FNTB: variants seen among roughly 807,000 people sequenced by gnomAD.
FNTB encodes farnesyltransferase, CAAX box, subunit beta.
Under a neutral mutation model 59.4 loss-of-function variants are expected in FNTB, and 27 were observed. The ratio of observed to expected loss-of-function variants is 0.45; its 90% CI spans 0.34 to 0.63. The LOEUF is 0.63. Ranked by LOEUF, FNTB falls within the 20% of genes least tolerant of loss-of-function variation. The pLI, the probability that FNTB is intolerant of heterozygous loss-of-function variation, is 0.02. For missense variants in FNTB, 449 were observed against 559.6 expected, an observed-to-expected ratio of 0.80 and a Z score of 1.99; for synonymous variants, 230 against 220.7, an observed-to-expected ratio of 1.04 and a Z score of -0.37.
At position 65,051,617 on chromosome 14, in the gene FNTB, G is replaced by GA. The variant is rs972351494; in HGVS notation, c.956-1610dup. ...CAGAGTGAGACTCTGTCTCAAAAAA[G>GA]AAAAAAAAAAAGGAAATATTCAACA... On this transcript the variant is annotated intron_variant, in intron 9 of 11. Coordinates refer to ENST00000246166, the MANE Select transcript of FNTB (RefSeq NM_002028.4). Among the ~76,000 whole-genome samples the GA allele has an allele frequency of 4.3e-3, 558 of 131,248 alleles. 1 individual carries two copies. Among genetic ancestry groups the GA allele is most frequent in the African/African-American group, 0.013 (479 of 35,594 alleles). The allele number at this position is 131,248 out of a possible 152,430, so 86.1% of individuals were successfully genotyped here.
chr14:65,056,544 ATT>A (rs1193819359), intron 11 of FNTB, among the ~76,000 whole-genome samples: 1 of 152,156 alleles, frequency 6.6e-6, no homozygotes, highest in Middle Eastern at 3.4e-3. Context: ...GTGAAGTGGT[ATT>A]TGTTTGATTT....
intron 1 of FNTB, among the ~76,000 whole-genome samples, chr14:64,988,245 C>T (rs1000885257): frequency 2.0e-5 from 3 of 152,142 alleles, no homozygotes; most frequent in Non-Finnish European, 4.4e-5. Context: ...GAAATCCTCA[C>T]CTCTCGAATC....
chr14:65,004,210 T>A (rs375425851), intron 1 of FNTB, 39 bp from the exon 2 acceptor site: 1 of 1,603,832 alleles, frequency 6.2e-7, no homozygotes, highest in African/African-American at 1.3e-5. Flanking sequence ...GTCTCATCTG[T>A]ATTTGTTTTC....
In FNTB at chr14:65,037,311, C is replaced by T. The variant is rs777097417; in HGVS notation, c.693-3479C>T. On this transcript the variant is annotated intron_variant, in intron 7 of 11. Transcript: ENST00000246166. Reference sequence around the variant, plus strand: ...TAGAGATGGGGTTTTACCATGTTGGCCAGGCTGGTCTCGAACTCCTGACCT... The same window carrying T: ...TAGAGATGGGGTTTTACCATGTTGGTCAGGCTGGTCTCGAACTCCTGACCT... Among the ~76,000 whole-genome samples, 3 of 143,408 alleles carry T rather than the reference C, an allele frequency of 2.1e-5. 1 individual carries two copies. Among genetic ancestry groups the T allele is most frequent in the Non-Finnish European group, 4.5e-5 (3 of 66,554 alleles). The allele number at this position is 143,408 out of a possible 152,430, so 94.1% of individuals were successfully genotyped here. A position where few individuals can be genotyped will look rare whatever the true frequency, so the allele number is the denominator to read the frequency against.
At position 65,023,079 on chromosome 14, in the gene FNTB, A is replaced by AC. The variant is rs908833982; in HGVS notation, c.375-4373dup. Among the ~76,000 whole-genome samples the AC allele has an allele frequency of 8.5e-5, 13 of 152,328 alleles. No homozygotes were observed. The highest frequency in any genetic ancestry group is 3.1e-4 in the African/African-American group (13 of 41,568). On this transcript the variant is annotated intron_variant, in intron 4 of 11. Transcript: ENST00000246166. The surrounding 1 kb of genome is among the most constrained non-coding windows in gnomAD (Gnocchi z 4.1). ...AATCAACATTGATTAATTGATTGAGACAGGGTCTCACTCTATTGTCTGGGC... is the reference window on the plus strand; with the variant it reads ...AATCAACATTGATTAATTGATTGAGACCAGGGTCTCACTCTATTGTCTGGGC...
At chr14:65,005,235 A>T (rs2061562005) in intron 2 of FNTB, among the ~76,000 whole-genome samples, 2 of 152,206 alleles carry the variant, frequency 1.3e-5, no homozygotes, top group African/African-American at 4.8e-5. Context: ...TTTATTATTT[A>T]ATTTGAACCT....
chr14:65,052,443 A>G (rs1367136517), intron 9 of FNTB, among the ~76,000 whole-genome samples: 1 of 152,160 alleles, frequency 6.6e-6, no homozygotes, highest in Non-Finnish European at 1.5e-5. Context: ...AAATTGACCA[A>G]GGACTTAGTG....
rs188189629 is a variant in FNTB, at chr14:65,055,160, G to T, written c.1182+471G>T. Among the ~76,000 whole-genome samples, 219 of 152,230 alleles carry T rather than the reference G, an allele frequency of 1.4e-3. 2 individuals carry two copies. In the South Asian group the frequency reaches 0.019, roughly 13 times the overall value. On this transcript the variant is annotated intron_variant, in intron 11 of 11. Transcript: ENST00000246166. ...CCTCAGTGCCTTGTTCATATTCTTT[G>T]TAGTACTTTACTCAGTTGGTGGTGT... is the stretch of plus-strand genomic sequence containing the variant.
In FNTB at chr14:65,012,817, A is replaced by G. The variant is rs1012826215; in HGVS notation, c.282+428A>G. Among the ~76,000 whole-genome samples, 1 of 152,008 alleles carries G rather than the reference A, an allele frequency of 6.6e-6. No homozygotes were observed. ...TGGTTACAAATTTTCCAACTTCACC[A>G]CTCCTTCTAGTAAGTACATTACTTT... is the stretch of plus-strand genomic sequence containing the variant. On this transcript the variant is annotated intron_variant, in intron 3 of 11. Coordinates refer to ENST00000246166, the MANE Select transcript of FNTB (RefSeq NM_002028.4). The surrounding 1 kb of genome is among the most constrained non-coding windows in gnomAD (Gnocchi z 5.0).
chr14:65,028,533 C>T lies in FNTB; in HGVS notation c.605+752C>T, dbSNP rs1345234183. Among the ~76,000 whole-genome samples the T allele has an allele frequency of 6.6e-6, 1 of 152,156 alleles. No individual in the cohort carries two copies. The highest frequency in any genetic ancestry group is 1.5e-5 in the Non-Finnish European group (1 of 68,034). ...TGCCTATGTGTAAATGGGTTTGCTTCTACACAAGTTGATTAATAGTCTGGC... is the reference window on the plus strand; with the variant it reads ...TGCCTATGTGTAAATGGGTTTGCTTTTACACAAGTTGATTAATAGTCTGGC... On this transcript the variant is annotated intron_variant, in intron 6 of 11. Transcript: ENST00000246166. The surrounding 1 kb of genome is among the most constrained non-coding windows in gnomAD (Gnocchi z 4.4).
intron 9 of FNTB, among the ~76,000 whole-genome samples, chr14:65,051,553 G>C (rs1489812183): frequency 6.6e-6 from 1 of 151,804 alleles, no homozygotes; most frequent in Non-Finnish European, 1.5e-5. Flanking sequence ...GGAGGTTGCA[G>C]TGAGCCGAGA....
At chr14:65,010,139 G>A (rs1176663874) in intron 2 of FNTB, among the ~76,000 whole-genome samples, 3 of 152,164 alleles carry the variant, frequency 2.0e-5, no homozygotes, top group Non-Finnish European at 4.4e-5. Context: ...ATCTGCCACT[G>A]TTAAACACCT....
At chr14:65,061,155 A>T (rs980019331) in intron 11 of FNTB, 26 bp from the exon 12 acceptor site, 2 of 1,613,100 alleles carry the variant, frequency 1.2e-6, no homozygotes, top group Non-Finnish European at 1.7e-6. Context: ...GGGGTGATTA[A>T]CTGGCACCTT....
chr14:65,032,703 G>T lies in FNTB; in HGVS notation c.692+7G>T. ...CTGCTGAATGGATAGCAAGGTGAGA[G>T]AAGCCAGGGTTTCTCCTGGCCTCTT... On this transcript the variant is annotated splice_region_variant and intron_variant, in intron 7 of 11. Transcript: ENST00000246166. This position sits in a 1 kb window ranked among gnomAD's most constrained non-coding sequence, Gnocchi z 5.0. 1 of 1,612,996 alleles carries T rather than the reference G, an allele frequency of 6.2e-7. No homozygotes were observed.
chr14:65,033,389 G>A (rs1375787129), intron 7 of FNTB, among the ~76,000 whole-genome samples: 6 of 152,190 alleles, frequency 3.9e-5, no homozygotes, highest in African/African-American at 1.2e-4. Flanking sequence ...AGTGATTCCC[G>A]CTGAGGGGAG....
In FNTB at chr14:65,037,600, A is replaced by G. The variant is rs1453629691; in HGVS notation, c.693-3190A>G. Among the ~76,000 whole-genome samples, 9 of 147,946 alleles carry G rather than the reference A, an allele frequency of 6.1e-5. 2 individuals carry two copies. In the South Asian group the frequency reaches 1.9e-3, roughly 32 times the overall value. On this transcript the variant is annotated intron_variant, in intron 7 of 11. Coordinates refer to ENST00000246166, the MANE Select transcript of FNTB (RefSeq NM_002028.4). Reference sequence around the variant, plus strand: ...CATCCACCATCCGCTAATTTTTTAAATTTTTGTAGAGACAAAGCCTCACCA... The same window carrying G: ...CATCCACCATCCGCTAATTTTTTAAGTTTTTGTAGAGACAAAGCCTCACCA...
At chr14:64,987,306 A>G (rs1289956899) in intron 1 of FNTB, 1 of 610,920 alleles carries the variant, frequency 1.6e-6, no homozygotes, top group Non-Finnish European at 2.9e-6. Flanking sequence ...GGTCGTTTCA[A>G]GGTTGGGCTT....
intron 4 of FNTB, among the ~76,000 whole-genome samples, chr14:65,020,708 A>G (rs1410829465): frequency 1.3e-5 from 2 of 150,002 alleles, no homozygotes; most frequent in Admixed American, 6.7e-5. Flanking sequence ...TGCTGGGATT[A>G]CAGGCATGAG....
At position 65,027,290 on chromosome 14, in the gene FNTB, A is replaced by T; in HGVS notation, c.375-163A>T. ...AATGATGATAGCTGGAGAGAGAATT[A>T]AGCCCTTTGGGGAGAGGTTATATTC... On this transcript the variant is annotated intron_variant, in intron 4 of 11. Transcript: ENST00000246166. The surrounding 1 kb of genome is among the most constrained non-coding windows in gnomAD (Gnocchi z 5.7). 5 of 1,073,736 alleles carry T rather than the reference A, an allele frequency of 4.7e-6. No individual in the cohort carries two copies. The highest frequency in any genetic ancestry group is 6.7e-6 in the Non-Finnish European group (5 of 750,946). The allele number at this position is 1,073,736 out of a possible 1,614,324, so 66.5% of individuals were successfully genotyped here.
Sources: gnomAD v4.1 joint callset for allele counts (sites outside exome capture counted in the v4.1 genomes callset) on GRCh38, gnomAD v4.1.1 for gene constraint, Gnocchi (gnomAD v3.1) non-coding constraint, MANE v1.5 for transcripts, NCBI Gene and HGNC (gene_info 2026-07-23, HGNC 2026-07-21) for gene names.